PTGFRN: variants seen among roughly 807,000 people sequenced by gnomAD.
PTGFRN encodes prostaglandin F2 receptor inhibitor, also known as prostaglandin F2 receptor negative regulator.
In PTGFRN, 35 loss-of-function variants were observed where a neutral mutation model predicts 83.2. The ratio of observed to expected loss-of-function variants is 0.42; its 90% CI spans 0.32 to 0.56. The LOEUF (loss-of-function observed/expected upper bound fraction) is 0.56. Among genes scored for constraint, PTGFRN ranks in the 20% least tolerant of loss-of-function variants. The pLI is 0.11. For missense variants in PTGFRN, 1,051 were observed against 1,179.5 expected, an observed-to-expected ratio of 0.89 and a Z score of 1.60; for synonymous variants, 519 against 498.6, an observed-to-expected ratio of 1.04 and a Z score of -0.55.
intron 4 of PTGFRN, among the ~76,000 whole-genome samples, chr1:116,953,105 T>C (rs1400039299): frequency 6.6e-6 from 1 of 152,206 alleles, no homozygotes; most frequent in Non-Finnish European, 1.5e-5. Context: ...GTGGCGTTAA[T>C]TGGAAGGGGT....
rs183846851 is a variant in PTGFRN, at chr1:116,963,733, G to A, written c.1639+2065G>A. Among the ~76,000 whole-genome samples, 828 of 151,832 alleles carry A rather than the reference G, an allele frequency of 5.5e-3. 4 individuals are homozygous for A. Among genetic ancestry groups the A allele is most frequent in the Non-Finnish European group, 9.0e-3 (615 of 67,956 alleles). On this transcript the variant is annotated intron_variant, in intron 5 of 8. Coordinates refer to ENST00000393203, the MANE Select transcript of PTGFRN (RefSeq NM_020440.4). Reference sequence around the variant, plus strand: ...AGTGATCCTTCCACCTTAGCCTCCCGAGCGGTTGGGACTGCGGGTGCTCAC... The same window carrying A: ...AGTGATCCTTCCACCTTAGCCTCCCAAGCGGTTGGGACTGCGGGTGCTCAC...
intron 7 of PTGFRN, 60 bp from the exon 8 acceptor site, chr1:116,984,620 C>G: frequency 1.3e-6 from 2 of 1,518,224 alleles, no homozygotes; most frequent in Non-Finnish European, 1.8e-6. Context: ...ATGGATGTGG[C>G]CATACATATG....
intron 4 of PTGFRN, among the ~76,000 whole-genome samples, chr1:116,957,650 A>G (rs1403992526): frequency 1.3e-5 from 2 of 152,140 alleles, no homozygotes; most frequent in South Asian, 4.1e-4. Context: ...CTGTTCTCTT[A>G]GCAGTTTCCA....
rs1650063491 is a variant in PTGFRN, at chr1:116,941,668, A to G, written c.50-47A>G. 5.8e-6 allele frequency: 9 copies of G among 1,557,274 alleles called. No individual in the cohort carries two copies. In the East Asian group the frequency reaches 2.0e-4, roughly 35 times the overall value. On this transcript the variant is annotated intron_variant, in intron 1 of 8. Coordinates refer to ENST00000393203, the MANE Select transcript of PTGFRN (RefSeq NM_020440.4). The surrounding 1 kb of genome is among the most constrained non-coding windows in gnomAD (Gnocchi z 5.0). ...CAGGTTTGCCACATTTGTCCTGGGAAGACTTTCTGTGATTAAAGACCTGCC... is the reference window on the plus strand; with the variant it reads ...CAGGTTTGCCACATTTGTCCTGGGAGGACTTTCTGTGATTAAAGACCTGCC...
intron 1 of PTGFRN, among the ~76,000 whole-genome samples, chr1:116,927,525 C>CTTTTTT (rs1171564821): frequency 2.4e-5 from 3 of 124,418 alleles, no homozygotes; most frequent in African/African-American, 1.2e-4. Flanking sequence ...CCTTGCTTAC[C>CTTTTTT]TTTTTTTTTT....
At chr1:116,967,998 A>G (rs1384521061) in intron 6 of PTGFRN, among the ~76,000 whole-genome samples, 1 of 152,240 alleles carries the variant, frequency 6.6e-6, no homozygotes, top group Non-Finnish European at 1.5e-5. Context: ...AGTGGAGTAT[A>G]AAGAAAGAGA....
intron 1 of PTGFRN, among the ~76,000 whole-genome samples, chr1:116,935,961 T>A (rs566034532): frequency 6.6e-6 from 1 of 152,358 alleles, no homozygotes; most frequent in African/African-American, 2.4e-5. Flanking sequence ...GAAGCCATAA[T>A]TCAAGATTGT....
intron 3 of PTGFRN, among the ~76,000 whole-genome samples, chr1:116,946,955 A>T (rs886800528): frequency 6.6e-6 from 1 of 152,338 alleles, no homozygotes; most frequent in East Asian, 1.9e-4. Flanking sequence ...TGTGATTTCT[A>T]TTTGGGGTAG....
At position 116,961,741 on chromosome 1, in the gene PTGFRN, A is replaced by G; in HGVS notation, c.1639+73A>G. 2 of 1,385,214 alleles carry G rather than the reference A, an allele frequency of 1.4e-6. No homozygotes were observed. The highest frequency in any genetic ancestry group is 2.0e-6 in the Non-Finnish European group (2 of 1,015,862). The allele number at this position is 1,385,214 out of a possible 1,614,324, so 85.8% of individuals were successfully genotyped here. A position where few individuals can be genotyped will look rare whatever the true frequency, so the allele number is the denominator to read the frequency against. ...GTCGTGCCGCTGTGTGTTGATGCAC[A>G]GTCACCCTCTGCAGGTTATCACTTA... On this transcript the variant is annotated intron_variant, in intron 5 of 8. Coordinates refer to ENST00000393203, the MANE Select transcript of PTGFRN (RefSeq NM_020440.4). The surrounding 1 kb of genome is among the most constrained non-coding windows in gnomAD (Gnocchi z 5.4).
chr1:116,943,413 C>T (rs1040131055), intron 2 of PTGFRN, among the ~76,000 whole-genome samples: 2 of 152,254 alleles, frequency 1.3e-5, no homozygotes, highest in East Asian at 3.9e-4. Flanking sequence ...GGGGAGAATT[C>T]CCCCACCCGC....
chr1:116,954,540 A>G (rs1025648823), intron 4 of PTGFRN, among the ~76,000 whole-genome samples: 4 of 152,248 alleles, frequency 2.6e-5, no homozygotes, highest in Non-Finnish European at 5.9e-5. Flanking sequence ...TGCCAAGTTA[A>G]CTAAGTTTCA....
At chr1:116,968,876 T>C (rs1387171126) in intron 6 of PTGFRN, among the ~76,000 whole-genome samples, 1 of 152,200 alleles carries the variant, frequency 6.6e-6, no homozygotes, top group Non-Finnish European at 1.5e-5. Context: ...GTAGCAGGTA[T>C]CAGTACTTCA....
chr1:116,950,836 G>A (rs184519528), intron 4 of PTGFRN, among the ~76,000 whole-genome samples: 7 of 152,204 alleles, frequency 4.6e-5, no homozygotes, highest in East Asian at 1.9e-4. Flanking sequence ...TAAAAGAAGC[G>A]GGGTTTATCT....
At chr1:116,936,940 A>G (rs1557961996) in intron 1 of PTGFRN, among the ~76,000 whole-genome samples, 1 of 152,244 alleles carries the variant, frequency 6.6e-6, no homozygotes, top group Admixed American at 6.5e-5. Context: ...GAAAACAAAT[A>G]ATAGTGAAAA....
rs2101097762 is a variant in PTGFRN at position 116,990,134 on chromosome 1, TAA to T, written c.*3169_*3170del. 6.5e-6 allele frequency: 1 copy of T among 152,820 alleles called. No homozygotes were observed. Among genetic ancestry groups the T allele is most frequent in the African/African-American group, 2.4e-5 (1 of 41,594 alleles). The allele number at this position is 152,820 out of a possible 1,614,324, so 9.5% of individuals were successfully genotyped here. ...CACTGTTTGACCAAATTCTCAGTGA[TAA>T]ATATGTGTGCAGATCCCTAGAAGAG... On this transcript the variant is annotated 3_prime_UTR_variant, in exon 9 of 9. Transcript: ENST00000393203.
intron 1 of PTGFRN, among the ~76,000 whole-genome samples, chr1:116,940,070 A>G (rs1386059007): frequency 6.6e-6 from 1 of 152,172 alleles, no homozygotes; most frequent in Non-Finnish European, 1.5e-5. Context: ...TTTCCTGGGA[A>G]CCCAGAATTT....
rs373026059 is a variant in PTGFRN, at chr1:116,986,975, C to A, written c.*8C>A. 7 of 1,613,966 alleles carry A rather than the reference C, an allele frequency of 4.3e-6. No homozygotes were observed. Among genetic ancestry groups the A allele is most frequent in the Non-Finnish European group, 5.9e-6 (7 of 1,179,964 alleles). On this transcript the variant is annotated 3_prime_UTR_variant, in exon 9 of 9. Coordinates refer to ENST00000393203, the MANE Select transcript of PTGFRN (RefSeq NM_020440.4). ...TCGATGGAGATGGACTAGGCTGGCC[C>A]GGGAGGGGAGTGACAGAGGGACGTT...
rs1368048993 is a variant in PTGFRN, at chr1:116,944,780, G to A, written c.520G>A (p.Ala174Thr). The stretch of plus-strand genomic sequence containing the variant: ...CGAGCTGCGCTGCACCGCCGCCTCC[G>A]CCTCGCCGCTGCACACGCACCTGGC... ...PFELRCTAAS[A>T]SPLHTHLALL... The change falls in exon 3 of 9, where the codon GCC becomes ACC. Residue 174 changes from alanine (A) to threonine (T), a missense_variant. Physicochemically the swap from Ala to Thr is moderately conservative, Grantham distance 58 (BLOSUM62 0). Transcript: ENST00000393203. 4 of 1,558,856 alleles carry A rather than the reference G, an allele frequency of 2.6e-6. No homozygotes were observed. The highest frequency in any genetic ancestry group is 1.4e-5 in the African/African-American group (1 of 73,672).
chr1:116,910,022 G>T lies in PTGFRN; in HGVS notation c.-182G>T. 1.4e-6 allele frequency: 1 copy of T among 703,816 alleles called. No individual in the cohort carries two copies. The highest frequency in any genetic ancestry group is 2.4e-6 in the Non-Finnish European group (1 of 410,014). 43.6% of individuals were successfully genotyped at this position (703,816 alleles called of 1,614,324 possible). On this transcript the variant is annotated 5_prime_UTR_variant, in exon 1 of 9. Coordinates refer to ENST00000393203, the MANE Select transcript of PTGFRN (RefSeq NM_020440.4). Reference sequence around the variant, plus strand: ...GAGGGAAGGAGGCGGGAGGGAGCGAGCGGAGCCAGGGGCGCACGTACGCCC... The same window carrying T: ...GAGGGAAGGAGGCGGGAGGGAGCGATCGGAGCCAGGGGCGCACGTACGCCC...
Sources: gnomAD v4.1 joint callset for allele counts (sites outside exome capture counted in the v4.1 genomes callset) on GRCh38, gnomAD v4.1.1 for gene constraint, Gnocchi (gnomAD v3.1) non-coding constraint, MANE v1.5 for transcripts, NCBI Gene and HGNC (gene_info 2026-07-23, HGNC 2026-07-21) for gene names.